RAB3IP: variants seen among roughly 807,000 people sequenced by gnomAD.
RAB3IP encodes rab-3A-interacting protein.
In RAB3IP, 36 loss-of-function variants were observed where a neutral mutation model predicts 59.1. The observed-to-expected ratio is 0.61, with a 90% CI of 0.47 to 0.80. The LOEUF (loss-of-function observed/expected upper bound fraction) is 0.80. RAB3IP is among the 30% of genes least tolerant of loss of function. The pLI, the probability that RAB3IP is intolerant of heterozygous loss-of-function variation, is 0.00. For synonymous variants in RAB3IP, 207 were observed against 191.2 expected (o/e 1.08, Z -0.68); for missense variants, 511 against 536.0 (o/e 0.95, Z 0.46).
At chr12:69,806,770 T>A (rs962335484) in intron 8 of RAB3IP, among the ~76,000 whole-genome samples, 3 of 152,008 alleles carry the variant, frequency 2.0e-5, no homozygotes, top group Admixed American at 6.6e-5. Flanking sequence ...GATTAGGGAG[T>A]GGTGATGACT....
At chr12:69,799,398 G>A (rs1878023745) in intron 6 of RAB3IP, among the ~76,000 whole-genome samples, 1 of 152,130 alleles carries the variant, frequency 6.6e-6, no homozygotes, top group Non-Finnish European at 1.5e-5. Context: ...TATTGAGCTG[G>A]ACTGAGGGAA....
intron 8 of RAB3IP, among the ~76,000 whole-genome samples, chr12:69,805,708 G>A (rs140921550): frequency 6.6e-6 from 1 of 151,458 alleles, no homozygotes; most frequent in African/African-American, 2.4e-5. Flanking sequence ...TAGCATGAAG[G>A]GTTGTTGAAT....
upstream of RAB3IP, chr12:69,738,405 A>T (rs1010590808): frequency 6.6e-6 from 1 of 152,282 alleles, no homozygotes; most frequent in Admixed American, 6.5e-5. Context: ...TGGGTTCTAC[A>T]GGATTCCTCC....
intron 8 of RAB3IP, among the ~76,000 whole-genome samples, chr12:69,804,953 G>GGCT (rs1879011149): frequency 6.6e-6 from 1 of 152,108 alleles, no homozygotes; most frequent in South Asian, 2.1e-4. Context: ...TTGTTCTTTT[G>GGCT]GCTTAGGATT....
chr12:69,763,662 C>T (rs1871735689), intron 3 of RAB3IP, among the ~76,000 whole-genome samples: 1 of 151,924 alleles, frequency 6.6e-6, no homozygotes, highest in Non-Finnish European at 1.5e-5. Context: ...AGGTATATTA[C>T]CTGGATATAT....
At position 69,819,956 on chromosome 12, in the gene RAB3IP, A is replaced by G. The variant is rs1881520730; in HGVS notation, c.*4510A>G. 2 of 152,178 alleles carry G rather than the reference A, an allele frequency of 1.3e-5. No homozygotes were observed. The highest frequency in any genetic ancestry group is 2.9e-5 in the Non-Finnish European group (2 of 68,058). The allele number at this position is 152,178 out of a possible 1,614,324, so 9.4% of individuals were successfully genotyped here. ...GAAGAACAAGATTTGGTTTCTGAAC[A>G]TTGGGTCTTAGTCCTTAAAATAACT... On this transcript the variant is annotated 3_prime_UTR_variant, in exon 11 of 11. Coordinates refer to ENST00000247833, the MANE Select transcript of RAB3IP (RefSeq NM_022456.5).
intron 10 of RAB3IP, among the ~76,000 whole-genome samples, chr12:69,814,419 T>C (rs1330755021): frequency 2.0e-5 from 3 of 152,214 alleles, no homozygotes; most frequent in African/African-American, 4.8e-5. Context: ...ATCTGTTTAT[T>C]ATATGTGCCT....
intron 4 of RAB3IP, among the ~76,000 whole-genome samples, chr12:69,794,036 T>C (rs559092721): frequency 6.6e-5 from 10 of 152,288 alleles, no homozygotes; most frequent in South Asian, 2.1e-4. Flanking sequence ...ATTATTGGTG[T>C]GTTAATGTTT....
At chr12:69,792,107 C>A (rs761062282) in intron 4 of RAB3IP, among the ~76,000 whole-genome samples, 7 of 152,074 alleles carry the variant, frequency 4.6e-5, no homozygotes, top group African/African-American at 1.7e-4. Flanking sequence ...CTAAAATAGT[C>A]GAGCTCATAG....
chr12:69,755,317 A>T, intron 1 of RAB3IP, 67 bp from the exon 2 acceptor site: 1 of 1,274,958 alleles, frequency 7.8e-7, no homozygotes, highest in Non-Finnish European at 1.1e-6. Flanking sequence ...TTTATAATTT[A>T]TGCATTTTAA....
Position 69,779,694 on chromosome 12 carries a change from T to TC in RAB3IP, c.511-5026_511-5025insC, listed in dbSNP as rs1406573072. ...CATTCTAGCTAGGGAATTTTTTTTT[T>TC]TTTTTCCAGCGTCTCTCTTAAATTT... is the stretch of plus-strand genomic sequence containing the variant. On this transcript the variant is annotated intron_variant, in intron 3 of 10. Transcript: ENST00000247833. Among the ~76,000 whole-genome samples, 258 of 152,246 alleles carry TC rather than the reference T, an allele frequency of 1.7e-3. 1 individual carries two copies. The highest frequency in any genetic ancestry group is 5.6e-3 in the African/African-American group (233 of 41,540).
chr12:69,761,357 G>A (rs558583565), intron 3 of RAB3IP, among the ~76,000 whole-genome samples: 2 of 152,024 alleles, frequency 1.3e-5, no homozygotes, highest in South Asian at 2.1e-4. Context: ...GCAGATCTGG[G>A]GTGCACATTT....
At chr12:69,761,275 T>G (rs936041692) in intron 3 of RAB3IP, among the ~76,000 whole-genome samples, 13 of 152,244 alleles carry the variant, frequency 8.5e-5, no homozygotes, top group Non-Finnish European at 1.3e-4. Context: ...CTTGCTCTGC[T>G]TAATATGTTG....
Position 69,763,325 on chromosome 12 carries a change from T to A in RAB3IP, c.510+6662T>A, listed in dbSNP as rs537561502. ...CTCTTGGGCATCTTTCTGCTAAAACTGTGACTAACTTTCTCAAAACACTCT... is the reference window on the plus strand; with the variant it reads ...CTCTTGGGCATCTTTCTGCTAAAACAGTGACTAACTTTCTCAAAACACTCT... On this transcript the variant is annotated intron_variant, in intron 3 of 10. Transcript: ENST00000247833. Among the ~76,000 whole-genome samples, 4 of 152,298 alleles carry A rather than the reference T, an allele frequency of 2.6e-5. No homozygotes were observed. The South Asian group carries it at 8.3e-4, about 32-fold the overall frequency.
At chr12:69,803,025 T>C (rs1021659650) in intron 8 of RAB3IP, among the ~76,000 whole-genome samples, 5 of 152,204 alleles carry the variant, frequency 3.3e-5, no homozygotes, top group Non-Finnish European at 7.4e-5. Flanking sequence ...AGCAGTTTTC[T>C]TATTTTTAAG....
chr12:69,812,935 A>G, intron 9 of RAB3IP, 29 bp from the exon 10 acceptor site: 2 of 1,607,518 alleles, frequency 1.2e-6, no homozygotes, highest in East Asian at 2.2e-5. Context: ...ACATTTGACC[A>G]TTCATGACAT....
At chr12:69,796,984 G>C (rs533913698) in intron 6 of RAB3IP, among the ~76,000 whole-genome samples, 12 of 152,248 alleles carry the variant, frequency 7.9e-5, no homozygotes, top group Non-Finnish European at 1.2e-4. Flanking sequence ...CTTCAGGTAC[G>C]TGTTATAGTC....
intron 4 of RAB3IP, among the ~76,000 whole-genome samples, chr12:69,789,957 C>G (rs1172936656): frequency 6.6e-6 from 1 of 152,062 alleles, no homozygotes; most frequent in Non-Finnish European, 1.5e-5. Flanking sequence ...TATATGGAAA[C>G]CCATAGCTAA....
chr12:69,796,564 A>G, intron 6 of RAB3IP: 1 of 508,660 alleles, frequency 2.0e-6, no homozygotes, highest in Non-Finnish European at 3.5e-6. Flanking sequence ...GGAAGCCAGG[A>G]GTTTATTAAA....
Sources: allele counts gnomAD v4.1 joint callset (sites outside exome capture counted in the v4.1 genomes callset), GRCh38; gene constraint gnomAD v4.1.1; transcripts MANE v1.5; gene names NCBI Gene and HGNC (gene_info 2026-07-23, HGNC 2026-07-21).